CNOT1: variants seen among roughly 807,000 people sequenced by gnomAD.
CNOT1 encodes CCR4-associated factor 1.
Under a neutral mutation model 273.8 loss-of-function variants are expected in CNOT1, and 15 were observed. The observed-to-expected ratio is 0.05, with a 90% CI of 0.04 to 0.08. The LOEUF (loss-of-function observed/expected upper bound fraction) is 0.08. CNOT1 is among the 10% of genes least tolerant of loss of function. The pLI, the probability that CNOT1 is intolerant of heterozygous loss-of-function variation, is 1.00. For synonymous variants in CNOT1, 1,022 were observed against 1,005.5 expected, an observed-to-expected ratio of 1.02 and a Z score of -0.31; for missense variants, 1,644 against 2,912.2, an observed-to-expected ratio of 0.56 and a Z score of 10.02.
At chr16:58,568,993 A>G (rs537532060) in intron 16 of CNOT1, among the ~76,000 whole-genome samples, 3 of 152,356 alleles carry the variant, frequency 2.0e-5, no homozygotes, top group African/African-American at 7.2e-5. Context: ...AAATTACAAG[A>G]CTTGTAAAGA....
In CNOT1 at chr16:58,521,173, T is replaced by C; in HGVS notation, c.7052+10A>G. The C allele has an allele frequency of 6.2e-7, 1 of 1,613,042 alleles. No individual in the cohort carries two copies. Among genetic ancestry groups the C allele is most frequent in the Non-Finnish European group, 8.5e-7 (1 of 1,179,746 alleles). On this transcript the variant is annotated intron_variant, in intron 48 of 48. Coordinates refer to ENST00000317147, the MANE Select transcript of CNOT1 (RefSeq NM_016284.5). ...CATTCCTAGACAATTAAAAATTACT[T>C]TGAACTCACTTTTCGATTTCTGGGG...
At chr16:58,585,236 G>C in intron 8 of CNOT1, 102 bp downstream of exon 8, 1 of 1,526,352 alleles carries the variant, frequency 6.6e-7, no homozygotes. Flanking sequence ...CTCTTGAGAA[G>C]AAAAGATGAT....
Position 58,551,415 on chromosome 16 carries a change from T to C in CNOT1, c.3202-143A>G, listed in dbSNP as rs959470819. The C allele has an allele frequency of 4.3e-5, 51 of 1,193,040 alleles. No homozygotes were observed. In the East Asian group the frequency reaches 9.4e-4, roughly 22 times the overall value. The allele number at this position is 1,193,040 out of a possible 1,614,324, so 73.9% of individuals were successfully genotyped here. On this transcript the variant is annotated intron_variant, in intron 23 of 48. Transcript: ENST00000317147. ...AAATGTAGGCAAGAATAGTGAACTA[T>C]TAATATGTTTGCCTCTGGGAAATAT... is the stretch of plus-strand genomic sequence containing the variant.
rs138169788 is a variant in CNOT1 at position 58,593,546 on chromosome 16, A to G, written c.103-4640T>C. 2.4e-4 allele frequency among the ~76,000 whole-genome samples: 36 copies of G among 147,474 alleles called. No homozygotes were observed. The East Asian group carries it at 3.6e-3, about 15-fold the overall frequency. ...TGTACTTACTCCAACCTGGGCAACA[A>G]GAGCGAAACTCCGTCTCAAGGGAAA... On this transcript the variant is annotated intron_variant, in intron 2 of 48. Transcript: ENST00000317147.
chr16:58,604,100 C>T (rs1454495512), intron 1 of CNOT1, among the ~76,000 whole-genome samples: 3 of 152,240 alleles, frequency 2.0e-5, no homozygotes, highest in East Asian at 3.9e-4. Context: ...TAGTCATATA[C>T]AACAATTACA....
At chr16:58,565,103 C>T (rs755350383) in intron 16 of CNOT1, among the ~76,000 whole-genome samples, 14 of 151,964 alleles carry the variant, frequency 9.2e-5, no homozygotes, top group Non-Finnish European at 1.9e-4. Flanking sequence ...TGAATTTATC[C>T]CTAAATGCTT....
chr16:58,601,335 G>C (rs936555289), intron 1 of CNOT1, among the ~76,000 whole-genome samples: 7 of 152,116 alleles, frequency 4.6e-5, no homozygotes, highest in African/African-American at 1.7e-4. Context: ...CTGAGCTTGT[G>C]ATCCGCCCGC....
At position 58,538,843 on chromosome 16, in the gene CNOT1, G is replaced by A; in HGVS notation, c.5064C>T (p.His1688=). 1.9e-6 allele frequency: 3 copies of A among 1,611,660 alleles called. No individual in the cohort carries two copies. Among genetic ancestry groups the A allele is most frequent in the Non-Finnish European group, 1.7e-6 (2 of 1,179,662 alleles). Residue 1688 remains histidine, a synonymous_variant, in exon 36 of 49, where the codon CAC becomes CAT. Transcript: ENST00000317147. ...CCTGCAGAGCTTTTAGGACCAAGAG[G>A]TGGCATTCCCTGTAGCGCAGCAGAA... ...ADLLLRYREC[H]LLVLKALQDG...
At chr16:58,556,057 T>A in intron 19 of CNOT1, 149 bp from the exon 20 acceptor site, 1 of 1,394,640 alleles carries the variant, frequency 7.2e-7, no homozygotes, top group Non-Finnish European at 9.4e-7. Flanking sequence ...GTTTCAGTAT[T>A]AATGTGTGCT....
intron 16 of CNOT1, among the ~76,000 whole-genome samples, chr16:58,562,698 C>T (rs906841283): frequency 6.6e-6 from 1 of 151,916 alleles, no homozygotes; most frequent in Non-Finnish European, 1.5e-5. Flanking sequence ...TGGCAGGTGC[C>T]TGTAATCCCA....
rs376381416 is a variant in CNOT1, at chr16:58,613,513, T to C, written c.-174-14002A>G. Among the ~76,000 whole-genome samples, 18 of 124,638 alleles carry C rather than the reference T, an allele frequency of 1.4e-4. 4 individuals are homozygous for C. Among genetic ancestry groups the C allele is most frequent in the African/African-American group, 4.9e-4 (18 of 37,056 alleles). 81.8% of individuals were successfully genotyped at this position (124,638 alleles called of 152,430 possible). A position where few individuals can be genotyped will look rare whatever the true frequency, so the allele number is the denominator to read the frequency against. ...TACTTAGGAGTCACCTTTTAATTCA[T>C]TACTTTTTCTCCAGGCAATGACCAA... is the stretch of plus-strand genomic sequence containing the variant. On this transcript the variant is annotated intron_variant, in intron 1 of 48. Transcript: ENST00000317147.
Position 58,576,526 on chromosome 16 carries a change from C to A in CNOT1, c.1641G>T (p.Met547Ile). The A allele has an allele frequency of 6.2e-7, 1 of 1,614,200 alleles. No individual in the cohort carries two copies. The highest frequency in any genetic ancestry group is 8.5e-7 in the Non-Finnish European group (1 of 1,180,032). ...LIMHAMAEWY[M>I]RGEQYDQAKL... Reference sequence around the variant, plus strand: ...TGGCCTGATCATACTGCTCCCCTCTCATGTACCATTCTGCCATTGCATGCA... The same window carrying A: ...TGGCCTGATCATACTGCTCCCCTCTAATGTACCATTCTGCCATTGCATGCA... Residue 547 changes from methionine to isoleucine, a missense_variant, in exon 14 of 49, where the codon ATG (methionine) becomes ATT (isoleucine). Physicochemically the swap from Met to Ile is conservative, Grantham distance 10. Coordinates refer to ENST00000317147, the MANE Select transcript of CNOT1 (RefSeq NM_016284.5).
At chr16:58,560,894 G>A (rs537017066) in intron 16 of CNOT1, among the ~76,000 whole-genome samples, 43 of 152,170 alleles carry the variant, frequency 2.8e-4, no homozygotes, top group African/African-American at 8.4e-4. Context: ...GCATGGTGGC[G>A]CATGCCTGTA....
intron 2 of CNOT1, among the ~76,000 whole-genome samples, chr16:58,596,911 AAAAAAAC>A (rs2042280780): frequency 7.4e-6 from 1 of 134,850 alleles, no homozygotes; most frequent in South Asian, 2.3e-4. Flanking sequence ...AAAAAAAAAA[AAAAAAAC>A]AAAAGTCAAT....
intron 44 of CNOT1, among the ~76,000 whole-genome samples, chr16:58,527,065 G>A (rs1187758745): frequency 1.3e-5 from 2 of 152,110 alleles, no homozygotes; most frequent in African/African-American, 2.4e-5. Flanking sequence ...TAGTAGCCAT[G>A]TCAGGGTGGT....
In CNOT1 at chr16:58,537,938, T is replaced by C. The variant is rs760226535; in HGVS notation, c.5367A>G (p.Glu1789=). 6.2e-7 allele frequency: 1 copy of C among 1,614,194 alleles called. No individual in the cohort carries two copies. The highest frequency in any genetic ancestry group is 1.7e-5 in the Admixed American group (1 of 60,026). The change falls in exon 38 of 49, where the codon GAA becomes GAG. Residue 1789 remains glutamate, a synonymous_variant. Transcript: ENST00000317147. ...AATGAGCATTAATCCTCATGAGGGT[T>C]TCAATGGTGTGGAACAGATCTGCCT... is the stretch of plus-strand genomic sequence containing the variant. ...VTEADLFHTI[E]TLMRINAHSR...
In CNOT1 at chr16:58,590,413, G is replaced by A. The variant is rs552396762; in HGVS notation, c.103-1507C>T. ...CCCTTCTCTTCATTCAGAAAATATG[G>A]AAGTTAAGAAAGACCATCTCTACCA... On this transcript the variant is annotated intron_variant, in intron 2 of 48. Coordinates refer to ENST00000317147, the MANE Select transcript of CNOT1 (RefSeq NM_016284.5). Among the ~76,000 whole-genome samples, 4 of 152,190 alleles carry A rather than the reference G, an allele frequency of 2.6e-5. No homozygotes were observed. In the South Asian group the frequency reaches 8.3e-4, roughly 32 times the overall value.
chr16:58,527,346 C>T (rs1008557492), intron 44 of CNOT1, among the ~76,000 whole-genome samples: 2 of 149,976 alleles, frequency 1.3e-5, no homozygotes, highest in African/African-American at 4.9e-5. Context: ...ACTAGTGAAA[C>T]CCCGTCACTA....
intron 1 of CNOT1, among the ~76,000 whole-genome samples, chr16:58,622,758 C>G (rs540610867): frequency 6.7e-6 from 1 of 148,952 alleles, no homozygotes; most frequent in Non-Finnish European, 1.5e-5. Flanking sequence ...GAGGCAGGAT[C>G]GTCTCTTGAA....
Sources: gnomAD v4.1 joint callset for allele counts (sites outside exome capture counted in the v4.1 genomes callset) on GRCh38, gnomAD v4.1.1 for gene constraint, MANE v1.5 for transcripts, NCBI Gene and HGNC (gene_info 2026-07-23, HGNC 2026-07-21) for gene names.